Variants in ZNF385D observed in about 807,000 individuals in gnomAD.
ZNF385D encodes zinc finger protein 385D.
ZNF385D carries 15 observed loss-of-function variants against 35.8 expected under a neutral mutation model. That is an observed-to-expected ratio of 0.42 (90% CI 0.28 to 0.64). ZNF385D has a LOEUF of 0.64. Among genes scored for constraint, ZNF385D ranks in the 30% least tolerant of loss-of-function variants. The pLI, the probability that ZNF385D is intolerant of heterozygous loss-of-function variation, is 0.23. For synonymous variants in ZNF385D, 212 were observed against 186.8 expected (o/e 1.13, Z -1.10); for missense variants, 474 against 494.6 (o/e 0.96, Z 0.39).
intron 3 of ZNF385D, among the ~76,000 whole-genome samples, chr3:22,108,784 G>T (rs1702358591): frequency 6.6e-6 from 1 of 152,096 alleles, no homozygotes; most frequent in Admixed American, 6.6e-5. Context: ...AGGCTGAGAT[G>T]GGTGGATCAC....
chr3:21,745,046 TG>T (rs1323784417), intron 1 of ZNF385D, among the ~76,000 whole-genome samples: 2 of 152,120 alleles, frequency 1.3e-5, no homozygotes, highest in African/African-American at 4.8e-5. Context: ...TCTAAGTGCC[TG>T]GCACTAACAA....
rs568284699 is a variant in ZNF385D at position 21,618,208 on chromosome 3, G to A, written c.165+46678C>T. 2.1e-3 allele frequency among the ~76,000 whole-genome samples: 312 copies of A among 152,162 alleles called. 2 individuals carry two copies. The highest frequency in any genetic ancestry group is 7.4e-3 in the African/African-American group (306 of 41,526). ...GAGATTACCTTGGATTATCCTGGTGGGCCCTAAATCCCATTGTAAATATAC... is the reference window on the plus strand; with the variant it reads ...GAGATTACCTTGGATTATCCTGGTGAGCCCTAAATCCCATTGTAAATATAC... On this transcript the variant is annotated intron_variant, in intron 2 of 7. Coordinates refer to ENST00000281523, the MANE Select transcript of ZNF385D (RefSeq NM_024697.3).
At chr3:22,114,778 A>G (rs1178518768) in intron 3 of ZNF385D, among the ~76,000 whole-genome samples, 1 of 152,120 alleles carries the variant, frequency 6.6e-6, no homozygotes, top group African/African-American at 2.4e-5. Context: ...TTGAAACTTA[A>G]TCTCCAATTC....
intron 3 of ZNF385D, among the ~76,000 whole-genome samples, chr3:21,965,278 T>C (rs946163500): frequency 8.5e-5 from 13 of 152,180 alleles, no homozygotes; most frequent in African/African-American, 2.4e-4. Flanking sequence ...TTAAATAATA[T>C]GCATCAAATG....
chr3:21,869,066 A>T (rs566725279), intron 3 of ZNF385D, among the ~76,000 whole-genome samples: 1 of 152,250 alleles, frequency 6.6e-6, no homozygotes, highest in South Asian at 2.1e-4. Flanking sequence ...TTAAACTTAC[A>T]GCGTCGGTTT....
chr3:22,214,753 C>T (rs1011029876), intron 2 of ZNF385D, among the ~76,000 whole-genome samples: 17 of 152,174 alleles, frequency 1.1e-4, no homozygotes, highest in Admixed American at 1.0e-3. Flanking sequence ...CTCTCAAACC[C>T]TGTCTCCTGA....
intron 3 of ZNF385D, among the ~76,000 whole-genome samples, chr3:21,886,179 A>C (rs891582362): frequency 6.6e-6 from 1 of 151,994 alleles, no homozygotes; most frequent in Admixed American, 6.6e-5. Context: ...CCTTATCTCA[A>C]TTCTACCTGT....
At chr3:21,841,947 CACAT>C (rs1695708980) in intron 3 of ZNF385D, among the ~76,000 whole-genome samples, 2 of 151,390 alleles carry the variant, frequency 1.3e-5, no homozygotes, top group African/African-American at 4.8e-5. Flanking sequence ...TATATATACA[CACAT>C]ACACAAACAC....
At chr3:21,815,331 G>A (rs905548487) in intron 3 of ZNF385D, among the ~76,000 whole-genome samples, 21 of 152,190 alleles carry the variant, frequency 1.4e-4, no homozygotes, top group African/African-American at 4.6e-4. Context: ...AAATAACTAA[G>A]ATCAGAGCAG....
intron 3 of ZNF385D, among the ~76,000 whole-genome samples, chr3:21,806,716 G>C (rs771201530): frequency 1.5e-4 from 23 of 152,098 alleles, no homozygotes; most frequent in Non-Finnish European, 2.5e-4. Context: ...TTCATAAAAA[G>C]TTGTATCTCC....
intron 3 of ZNF385D, among the ~76,000 whole-genome samples, chr3:21,910,598 C>T (rs367725554): frequency 1.2e-4 from 18 of 151,876 alleles, no homozygotes; most frequent in African/African-American, 3.6e-4. Context: ...AAACCAAAAC[C>T]TATTCAGAGA....
intron 2 of ZNF385D, among the ~76,000 whole-genome samples, chr3:22,248,020 TA>T (rs1699878840): frequency 6.6e-6 from 1 of 152,170 alleles, no homozygotes; most frequent in South Asian, 2.1e-4. Context: ...ATACATATAA[TA>T]GAGATTTAAG....
chr3:22,220,570 A>T (rs139029810), intron 2 of ZNF385D, among the ~76,000 whole-genome samples: 498 of 152,294 alleles, frequency 3.3e-3, no homozygotes, highest in Middle Eastern at 6.8e-3. Flanking sequence ...CATTGTCTTT[A>T]GTACAAACAC....
At chr3:22,190,894 A>T (rs1366522955) in intron 2 of ZNF385D, among the ~76,000 whole-genome samples, 1 of 152,114 alleles carries the variant, frequency 6.6e-6, no homozygotes, top group Non-Finnish European at 1.5e-5. Flanking sequence ...GTAACTATAA[A>T]GGATACTCTG....
Position 21,608,840 on chromosome 3 carries a change from T to C in ZNF385D, c.166-44156A>G, listed in dbSNP as rs184058610. Among the ~76,000 whole-genome samples the C allele has an allele frequency of 2.0e-5, 3 of 152,340 alleles. No homozygotes were observed. The East Asian group carries it at 5.8e-4, about 29-fold the overall frequency. On this transcript the variant is annotated intron_variant, in intron 2 of 7. Coordinates refer to ENST00000281523, the MANE Select transcript of ZNF385D (RefSeq NM_024697.3). ...CACAGTCATTAGTATTAAATTGTGT[T>C]GTTCTTCCTTTATCTTTGTTTAAAT...
intron 3 of ZNF385D, among the ~76,000 whole-genome samples, chr3:21,815,450 GAAGAA>G (rs1205462966): frequency 6.6e-6 from 1 of 152,136 alleles, no homozygotes; most frequent in African/African-American, 2.4e-5. Context: ...GACTAATAAA[GAAGAA>G]AAGAGAGAAG....
At chr3:22,203,531 T>C (rs1402580233) in intron 2 of ZNF385D, among the ~76,000 whole-genome samples, 1 of 152,062 alleles carries the variant, frequency 6.6e-6, no homozygotes, top group Non-Finnish European at 1.5e-5. Context: ...GCCACAAGGA[T>C]AGAGTATCGA....
At chr3:22,193,343 C>G (rs1491890) in intron 2 of ZNF385D, among the ~76,000 whole-genome samples, 27 of 151,898 alleles carry the variant, frequency 1.8e-4, no homozygotes, top group Non-Finnish European at 3.7e-4. Context: ...ACACATTTTT[C>G]TATTACAAAG....
chr3:22,089,610 C>T (rs193240590), intron 3 of ZNF385D, among the ~76,000 whole-genome samples: 1 of 152,112 alleles, frequency 6.6e-6, no homozygotes, highest in Non-Finnish European at 1.5e-5. Context: ...TTTTGCTATT[C>T]AGTGAGCCAT....
Sources: allele counts gnomAD v4.1 joint callset (sites outside exome capture counted in the v4.1 genomes callset), GRCh38; gene constraint gnomAD v4.1.1; transcripts MANE v1.5; gene names NCBI Gene and HGNC (gene_info 2026-07-23, HGNC 2026-07-21).